SBNO1: variants seen among roughly 807,000 people sequenced by gnomAD.
The protein encoded by SBNO1 is protein strawberry notch homolog 1.
In SBNO1, 23 loss-of-function variants were observed where a neutral mutation model predicts 173.6. That is an observed-to-expected ratio of 0.13 (90% CI 0.10 to 0.19). The LOEUF (loss-of-function observed/expected upper bound fraction) is 0.19. Among genes scored for constraint, SBNO1 ranks in the 10% least tolerant of loss-of-function variants. The pLI, the probability that SBNO1 is intolerant of heterozygous loss-of-function variation, is 1.00. For missense variants in SBNO1, 1,238 were observed against 1,671.2 expected, an observed-to-expected ratio of 0.74 and a Z score of 4.52; for synonymous variants, 632 against 571.5, an observed-to-expected ratio of 1.11 and a Z score of -1.51.
chr12:123,308,600 G>A (rs1280663742), intron 28 of SBNO1, among the ~76,000 whole-genome samples: 12 of 152,038 alleles, frequency 7.9e-5, no homozygotes, highest in East Asian at 1.9e-4. Flanking sequence ...GCATGAACCC[G>A]GGAGGTGGAG....
At chr12:123,341,763 G>A (rs576221855) in intron 4 of SBNO1, among the ~76,000 whole-genome samples, 25 of 151,926 alleles carry the variant, frequency 1.6e-4, no homozygotes, top group African/African-American at 5.1e-4. Flanking sequence ...CCCAACCTCA[G>A]GTGATCTGCC....
At chr12:123,359,952 T>C (rs1593426535) in intron 1 of SBNO1, among the ~76,000 whole-genome samples, 2 of 152,278 alleles carry the variant, frequency 1.3e-5, no homozygotes, top group Non-Finnish European at 2.9e-5. Context: ...TCTTAAAAAT[T>C]ATCTTTGGCC....
chr12:123,360,467 CAG>C (rs2139108465), intron 1 of SBNO1, among the ~76,000 whole-genome samples: 2 of 152,088 alleles, frequency 1.3e-5, no homozygotes, highest in Admixed American at 1.3e-4. Flanking sequence ...TCTTTTGAGA[CAG>C]AGTCTCGCTG....
chr12:123,312,081 CT>C (rs71765792), intron 24 of SBNO1, among the ~76,000 whole-genome samples: 16,477 of 144,198 alleles, frequency 0.11, 979 homozygotes, highest in East Asian at 0.29. Flanking sequence ...ATCAAGGAAT[CT>C]TTTTTTTTTT....
chr12:123,338,537 T>C (rs1872129800), intron 5 of SBNO1, among the ~76,000 whole-genome samples: 3 of 151,746 alleles, frequency 2.0e-5, no homozygotes, highest in South Asian at 4.2e-4. Context: ...CAAAAGAAAA[T>C]TAGCAGGGCG....
Position 123,297,874 on chromosome 12 carries a change from G to A in SBNO1, c.4039+104C>T, listed in dbSNP as rs558418554. 1.8e-5 allele frequency: 18 copies of A among 1,000,502 alleles called. No homozygotes were observed. In the African/African-American group the frequency reaches 2.9e-4, roughly 16 times the overall value. The allele number at this position is 1,000,502 out of a possible 1,614,324, so 62.0% of individuals were successfully genotyped here. A position where few individuals can be genotyped will look rare whatever the true frequency, so the allele number is the denominator to read the frequency against. Reference sequence around the variant, plus strand: ...ACGGGTCCCATACCCACTACTGGAAGAGATGTTAGATGCATGTGGAATAAA... The same window carrying A: ...ACGGGTCCCATACCCACTACTGGAAAAGATGTTAGATGCATGTGGAATAAA... On this transcript the variant is annotated intron_variant, in intron 31 of 31. Coordinates refer to ENST00000602398, the MANE Select transcript of SBNO1 (RefSeq NM_001167856.3).
Position 123,319,963 on chromosome 12 carries a change from T to C in SBNO1, c.2736A>G (p.Glu912=). 6.2e-7 allele frequency: 1 copy of C among 1,613,932 alleles called. No homozygotes were observed. The highest frequency in any genetic ancestry group is 8.5e-7 in the Non-Finnish European group (1 of 1,179,806). ...DGSISYESRS[E]LDVPVEILNI... is the part of the protein sequence containing the mutation. The stretch of plus-strand genomic sequence containing the variant: ...TTAGTATTTCCACAGGCACATCAAG[T>C]TCAGATCTTGACTCATAAGATATGC... The change falls in exon 20 of 32, where the codon GAA becomes GAG. Residue 912 remains glutamate, a synonymous_variant. Transcript: ENST00000602398.
intron 1 of SBNO1, among the ~76,000 whole-genome samples, chr12:123,356,927 G>C (rs982855350): frequency 1.1e-4 from 17 of 152,120 alleles, no homozygotes; most frequent in Admixed American, 1.1e-3. Context: ...TTTCTCCTTA[G>C]AGTGCTAAGC....
intron 29 of SBNO1, among the ~76,000 whole-genome samples, chr12:123,303,332 GAA>G (rs2048839770): frequency 6.6e-6 from 1 of 152,164 alleles, no homozygotes; most frequent in African/African-American, 2.4e-5. Flanking sequence ...TTCCTTTACT[GAA>G]GAGATAAGCT....
At chr12:123,331,614 C>T (rs1048981971) in intron 7 of SBNO1, among the ~76,000 whole-genome samples, 2 of 151,858 alleles carry the variant, frequency 1.3e-5, no homozygotes, top group African/African-American at 4.8e-5. Flanking sequence ...CTCTGCCTCC[C>T]GGGTTCACAC....
chr12:123,359,149 G>A (rs905924880), intron 1 of SBNO1, among the ~76,000 whole-genome samples: 2 of 151,846 alleles, frequency 1.3e-5, no homozygotes, highest in Non-Finnish European at 1.5e-5. Flanking sequence ...TAGCCAGGAT[G>A]GTCTCCATCT....
Position 123,291,450 on chromosome 12 carries a change from C to T in SBNO1, c.*4458G>A, listed in dbSNP as rs1349432328. On this transcript the variant is annotated 3_prime_UTR_variant, in exon 32 of 32. Transcript: ENST00000602398. ...TTTTAAAATGTGAAAACATCAGGCTCACTATAGCTTCCAAAGAACAACATA... is the reference window on the plus strand; with the variant it reads ...TTTTAAAATGTGAAAACATCAGGCTTACTATAGCTTCCAAAGAACAACATA... 1 of 152,112 alleles carries T rather than the reference C, an allele frequency of 6.6e-6. No homozygotes were observed. The highest frequency in any genetic ancestry group is 2.4e-5 in the African/African-American group (1 of 41,418). The allele number at this position is 152,112 out of a possible 1,614,324, so 9.4% of individuals were successfully genotyped here.
In SBNO1 at chr12:123,298,322, A is replaced by C. The variant is rs570242100; in HGVS notation, c.3846-151T>G. On this transcript the variant is annotated intron_variant, in intron 30 of 31. Transcript: ENST00000602398. ...GCTCTTGTTGCCCAGACTGGAGCGC[A>C]GTGGTGCGATCTCGGCTCATTGCAA... 4 of 717,172 alleles carry C rather than the reference A, an allele frequency of 5.6e-6. No homozygotes were observed. In the Admixed American group the frequency reaches 1.3e-4, roughly 24 times the overall value. 44.4% of individuals were successfully genotyped at this position (717,172 alleles called of 1,614,324 possible). A position where few individuals can be genotyped will look rare whatever the true frequency, so the allele number is the denominator to read the frequency against.
chr12:123,291,681 A>T lies in SBNO1; in HGVS notation c.*4227T>A, dbSNP rs887670773. On this transcript the variant is annotated 3_prime_UTR_variant, in exon 32 of 32. Transcript: ENST00000602398. The stretch of plus-strand genomic sequence containing the variant: ...TGAAAAGTTTTCCATACTTTTCTTA[A>T]AAAAAAAAAAAAAAAAAAGTCATAA... The T allele has an allele frequency of 3.5e-5, 2 of 57,576 alleles. No homozygotes were observed. Among genetic ancestry groups the T allele is most frequent in the African/African-American group, 2.4e-4 (2 of 8,410 alleles). 3.6% of individuals were successfully genotyped at this position (57,576 alleles called of 1,614,324 possible).
At chr12:123,311,748 A>ATATTTTTT (rs1255479099) in intron 24 of SBNO1, among the ~76,000 whole-genome samples, 5 of 134,420 alleles carry the variant, frequency 3.7e-5, no homozygotes, top group African/African-American at 1.4e-4. Context: ...ATATATATAT[A>ATATTTTTT]TTTTTGCGAC....
intron 7 of SBNO1, among the ~76,000 whole-genome samples, chr12:123,332,230 T>C (rs1377850400): frequency 1.3e-5 from 2 of 152,194 alleles, no homozygotes; most frequent in African/African-American, 2.4e-5. Flanking sequence ...GTTAACAAAT[T>C]AGTGAGGAGC....
At chr12:123,329,936 G>C (rs1871021386) in intron 9 of SBNO1, among the ~76,000 whole-genome samples, 1 of 152,250 alleles carries the variant, frequency 6.6e-6, no homozygotes, top group Admixed American at 6.5e-5. Flanking sequence ...TCAGCTTACA[G>C]AATTGTTTTC....
chr12:123,330,983 G>T (rs1256783026), intron 8 of SBNO1, among the ~76,000 whole-genome samples: 1 of 152,128 alleles, frequency 6.6e-6, no homozygotes, highest in Non-Finnish European at 1.5e-5. Flanking sequence ...CTTCCATTGA[G>T]ACGGAGTCGC....
intron 1 of SBNO1, among the ~76,000 whole-genome samples, chr12:123,360,178 G>A (rs1874972061): frequency 6.6e-6 from 1 of 151,764 alleles, no homozygotes; most frequent in Admixed American, 6.6e-5. Flanking sequence ...CTGGGAGGCG[G>A]AGCTTGCAGG....
Sources: allele counts gnomAD v4.1 joint callset (sites outside exome capture counted in the v4.1 genomes callset), GRCh38; gene constraint gnomAD v4.1.1; transcripts MANE v1.5; gene names NCBI Gene and HGNC (gene_info 2026-07-23, HGNC 2026-07-21).